The following XDH variants were observed in gnomAD, a reference collection of about 807,000 sequenced individuals.
XDH encodes the protein xanthine dehydrogenase, also known as xanthine dehydrogenase/oxidase.
A neutral mutation model predicts 156.1 loss-of-function variants in XDH; 138 were observed. The ratio of observed to expected loss-of-function variants is 0.88; its 90% confidence interval spans 0.77 to 1.02. The LOEUF (loss-of-function observed/expected upper bound fraction) is 1.02, where lower values mean the gene tolerates loss of function less well. Ranked by LOEUF, XDH falls within the 50% of genes least tolerant of loss-of-function variation. The pLI, the probability that XDH is intolerant of heterozygous loss-of-function variation, is 0.00. For missense variants in XDH, 1,849 were observed against 1,684.9 expected, an observed-to-expected ratio of 1.10 and a Z score of -1.71; for synonymous variants, 669 against 625.7, an observed-to-expected ratio of 1.07 and a Z score of -1.03.
At chr2:31,401,840 T>G (rs1687069074) in intron 3 of XDH, among the ~76,000 whole-genome samples, 2 of 152,238 alleles carry the variant, frequency 1.3e-5, no homozygotes, top group Non-Finnish European at 2.9e-5. Context: ...AGAACTTCCT[T>G]GCATTCTTCT....
intron 22 of XDH, among the ~76,000 whole-genome samples, chr2:31,365,769 C>G (rs566638191): frequency 6.2e-4 from 94 of 152,320 alleles, no homozygotes; most frequent in African/African-American, 2.2e-3. Flanking sequence ...TAGGAGAGAT[C>G]AGAGGTGGAT....
At chr2:31,351,325 C>T (rs7571290) in intron 24 of XDH, among the ~76,000 whole-genome samples, 7,638 of 152,150 alleles carry the variant, frequency 0.05, 311 homozygotes, top group African/African-American at 0.11. Context: ...GTACTTATTA[C>T]TAAGCCAACT....
rs763465684 is a variant in XDH, at chr2:31,365,547, G to T, written c.2457-3C>A. 3 of 1,614,092 alleles carry T rather than the reference G, an allele frequency of 1.9e-6. No homozygotes were observed. The highest frequency in any genetic ancestry group is 2.5e-6 in the Non-Finnish European group (3 of 1,180,004). ...TGCATCGCACAGGGCGGCCGGTCCT[G>T]GGGGTTACCGACAGTGTTAGAAGCC... On this transcript the variant is annotated splice_region_variant and splice_polypyrimidine_tract_variant and intron_variant, in intron 22 of 35. Coordinates refer to ENST00000379416, the MANE Select transcript of XDH (RefSeq NM_000379.4).
At chr2:31,352,247 G>C (rs1685502949) in intron 24 of XDH, among the ~76,000 whole-genome samples, 1 of 152,084 alleles carries the variant, frequency 6.6e-6, no homozygotes. Context: ...AGTCATGAGA[G>C]CTCATTTTTA....
At chr2:31,390,957 C>T (rs1686745183) in intron 6 of XDH, among the ~76,000 whole-genome samples, 2 of 152,124 alleles carry the variant, frequency 1.3e-5, no homozygotes, top group African/African-American at 2.4e-5. Flanking sequence ...CCGCTTGTCT[C>T]CTCATTCATC....
chr2:31,373,840 C>G (rs746482933), intron 16 of XDH, 33 bp downstream of exon 16: 2 of 1,611,244 alleles, frequency 1.2e-6, no homozygotes, highest in East Asian at 2.2e-5. Flanking sequence ...CTGCAAAGTC[C>G]CCTGATATTA....
intron 29 of XDH, 32 bp downstream of exon 29, chr2:31,347,490 C>A: frequency 1.9e-6 from 3 of 1,612,730 alleles, no homozygotes; most frequent in Non-Finnish European, 2.5e-6. Flanking sequence ...TGGGCTGGCC[C>A]TCTGCTCTGC....
Position 31,334,967 on chromosome 2 carries a change from T to G in XDH, c.*991A>C, listed in dbSNP as rs1262552967. The stretch of plus-strand genomic sequence containing the variant: ...TCACTGCAGCCTCAACCTCCTGAGC[T>G]CAAATGATCTCTCCACCTCAGCCTT... On this transcript the variant is annotated 3_prime_UTR_variant, in exon 36 of 36. Transcript: ENST00000379416. 2.0e-5 allele frequency: 3 copies of G among 152,150 alleles called. No homozygotes were observed. Among genetic ancestry groups the G allele is most frequent in the Non-Finnish European group, 4.4e-5 (3 of 68,052 alleles). The allele number at this position is 152,150 out of a possible 1,614,324, so 9.4% of individuals were successfully genotyped here.
chr2:31,382,842 G>A (rs1031251940), intron 11 of XDH, among the ~76,000 whole-genome samples, 159 bp downstream of exon 11: 7 of 152,096 alleles, frequency 4.6e-5, no homozygotes, highest in African/African-American at 1.7e-4. Context: ...CTGAGGGTGG[G>A]GCCCAGGAAT....
intron 15 of XDH, among the ~76,000 whole-genome samples, chr2:31,375,023 C>CTTTTTTTTTTT (rs60340656): frequency 3.2e-5 from 3 of 92,350 alleles, no homozygotes; most frequent in African/African-American, 1.5e-4. Context: ...TTCTTTCTTT[C>CTTTTTTTTTTT]TTTTTTTTTT....
Position 31,335,204 on chromosome 2 carries a change from G to T in XDH, c.*754C>A, listed in dbSNP as rs1684941925. 6.6e-6 allele frequency: 1 copy of T among 152,578 alleles called. No individual in the cohort carries two copies. The highest frequency in any genetic ancestry group is 2.4e-5 in the African/African-American group (1 of 41,398). 9.5% of individuals were successfully genotyped at this position (152,578 alleles called of 1,614,324 possible). ...TCATTTCTAGGTGGAAATTACTTTG[G>T]CTTCAAATGTAAAGATTAAACATAA... On this transcript the variant is annotated 3_prime_UTR_variant, in exon 36 of 36. Transcript: ENST00000379416.
At chr2:31,354,448 T>C (rs1685573118) in intron 24 of XDH, among the ~76,000 whole-genome samples, 1 of 152,100 alleles carries the variant, frequency 6.6e-6, no homozygotes, top group African/African-American at 2.4e-5. Context: ...ATCACTGAGG[T>C]GACAAAGATG....
intron 4 of XDH, among the ~76,000 whole-genome samples, chr2:31,399,898 G>A (rs1033235787): frequency 6.6e-6 from 1 of 152,166 alleles, no homozygotes; most frequent in African/African-American, 2.4e-5. Context: ...TTTATCAGCA[G>A]TGTGAGAATA....
Position 31,383,168 on chromosome 2 carries a change from C to A in XDH, c.887-16G>T. 1 of 1,614,120 alleles carries A rather than the reference C, an allele frequency of 6.2e-7. No individual in the cohort carries two copies. Among genetic ancestry groups the A allele is most frequent in the South Asian group, 1.1e-5 (1 of 91,040 alleles). On this transcript the variant is annotated splice_polypyrimidine_tract_variant and intron_variant, in intron 10 of 35. Coordinates refer to ENST00000379416, the MANE Select transcript of XDH (RefSeq NM_000379.4). ...AAGGAGATACCTGGGAACGCACGTT[C>A]GGAATCACAGCAATTCTTCCCACAG...
intron 9 of XDH, 88 bp from the exon 10 acceptor site, chr2:31,383,935 G>A: frequency 8.8e-7 from 1 of 1,130,354 alleles, no homozygotes; most frequent in Non-Finnish European, 1.3e-6. Flanking sequence ...TTACACACAG[G>A]ATATATGACA....
rs1297946193 is a variant in XDH, at chr2:31,375,013, TTCTTTCTTTC to T, written c.1602+357_1602+366del. On this transcript the variant is annotated intron_variant, in intron 15 of 35. Coordinates refer to ENST00000379416, the MANE Select transcript of XDH (RefSeq NM_000379.4). Reference sequence around the variant, plus strand: ...TTTTTTCCTTTCTTTCTTTCTTTCTTTCTTTCTTTCTTTTTTTTTTTTTTTTTTTGAGACA... The same window carrying T: ...TTTTTTCCTTTCTTTCTTTCTTTCTTTTTTTTTTTTTTTTTTTTTGAGACA... 7.6e-4 allele frequency among the ~76,000 whole-genome samples: 85 copies of T among 112,310 alleles called. 1 individual carries two copies. The highest frequency in any genetic ancestry group is 1.1e-3 in the Non-Finnish European group (63 of 58,644). The allele number at this position is 112,310 out of a possible 152,430, so 73.7% of individuals were successfully genotyped here.
intron 24 of XDH, among the ~76,000 whole-genome samples, chr2:31,363,771 G>A (rs1473231657): frequency 1.3e-5 from 2 of 151,896 alleles, no homozygotes; most frequent in Non-Finnish European, 2.9e-5. Context: ...TAACAGTTTG[G>A]TATATGTTCC....
Position 31,374,017 on chromosome 2 carries a change from G to C in XDH, c.1603-61C>G. ...TATTTCAATCACTGATTCCTTCCTT[G>C]CTTGTCCATAAAAATGACCAAACTG... On this transcript the variant is annotated intron_variant, in intron 15 of 35. Coordinates refer to ENST00000379416, the MANE Select transcript of XDH (RefSeq NM_000379.4). 2.6e-6 allele frequency: 4 copies of C among 1,531,674 alleles called. No individual in the cohort carries two copies. In the South Asian group the frequency reaches 3.5e-5, roughly 13 times the overall value. 94.9% of individuals were successfully genotyped at this position (1,531,674 alleles called of 1,614,324 possible). A position where few individuals can be genotyped will look rare whatever the true frequency, so the allele number is the denominator to read the frequency against.
At position 31,386,402 on chromosome 2, in the gene XDH, C is replaced by G. The variant is rs750844749; in HGVS notation, c.793+12G>C. 1.9e-6 allele frequency: 3 copies of G among 1,611,840 alleles called. No homozygotes were observed. Among genetic ancestry groups the G allele is most frequent in the Non-Finnish European group, 2.5e-6 (3 of 1,179,998 alleles). ...CCCCTGGCAGCCCCAGGGCAGCCTC[C>G]CTGGCCCTTACCAATCTCCGTGTTC... On this transcript the variant is annotated intron_variant, in intron 9 of 35. Transcript: ENST00000379416.
Sources: allele counts gnomAD v4.1 joint callset (sites outside exome capture counted in the v4.1 genomes callset), GRCh38; gene constraint gnomAD v4.1.1; transcripts MANE v1.5; gene names NCBI Gene and HGNC (gene_info 2026-07-23, HGNC 2026-07-21).